CEP72: variants seen among roughly 807,000 people sequenced by gnomAD.
CEP72 encodes centrosomal protein 72, also known as centrosomal protein of 72 kDa.
In CEP72, 78 loss-of-function variants were observed where a neutral mutation model predicts 65.7. That is an observed-to-expected ratio of 1.19 (90% CI 0.99 to 1.43). CEP72 has a LOEUF of 1.43. Among genes scored for constraint, CEP72 ranks in the 40% most tolerant of loss-of-function variants. CEP72 has a pLI of 0.00. For synonymous variants in CEP72, 358 were observed against 351.7 expected (o/e 1.02, Z -0.20); for missense variants, 914 against 832.9 (o/e 1.10, Z -1.20).
At chr5:617,989 G>A (rs181955821) in intron 1 of CEP72, among the ~76,000 whole-genome samples, 165 of 152,320 alleles carry the variant, frequency 1.1e-3, no homozygotes, top group Admixed American at 2.5e-3. Context: ...TAATGTTGAT[G>A]TAGTGACTGC....
chr5:639,376 C>G, intron 8 of CEP72, 152 bp downstream of exon 8: 1 of 862,638 alleles, frequency 1.2e-6, no homozygotes, highest in Non-Finnish European at 1.7e-6. Flanking sequence ...TGGGCCCTCC[C>G]TGGCAGTCTT....
At chr5:652,025 A>C (rs1739139970) in intron 11 of CEP72, among the ~76,000 whole-genome samples, 1 of 152,136 alleles carries the variant, frequency 6.6e-6, no homozygotes, top group Non-Finnish European at 1.5e-5. Flanking sequence ...AAGGGTCCTG[A>C]AAGATGAGAC....
chr5:633,257 G>A (rs1213669458), intron 4 of CEP72, among the ~76,000 whole-genome samples: 2 of 102,878 alleles, frequency 1.9e-5, no homozygotes, highest in Non-Finnish European at 3.9e-5. Context: ...TCCTGGTGGG[G>A]TGCTGTCCAG....
Position 637,666 on chromosome 5 carries a change from G to A in CEP72, c.1054G>A (p.Gly352Ser), listed in dbSNP as rs1026300576. Residue 352 changes from glycine (G) to serine (S), a missense_variant, in exon 7 of 12, where the codon GGC (glycine) becomes AGC (serine). By Grantham distance (56) the Gly-to-Ser change is moderately conservative. Transcript: ENST00000264935. ...FQTFSDQEGL[G>S]CPERTHGSSV... ...GACGTTTTCGGACCAGGAGGGTTTG[G>A]GCTGCCCGGAGAGAACTCATGGGTC... is the stretch of plus-strand genomic sequence containing the variant. 1 of 1,613,968 alleles carries A rather than the reference G, an allele frequency of 6.2e-7. No individual in the cohort carries two copies. The highest frequency in any genetic ancestry group is 8.5e-7 in the Non-Finnish European group (1 of 1,180,042).
intron 8 of CEP72, among the ~76,000 whole-genome samples, chr5:639,537 A>T (rs1314918330): frequency 6.6e-6 from 1 of 152,160 alleles, no homozygotes; most frequent in East Asian, 1.9e-4. Flanking sequence ...CTGTGATCAC[A>T]TGGGGATTTG....
intron 1 of CEP72, chr5:662,662 G>A (rs1017285304): frequency 1.3e-5 from 2 of 152,626 alleles, no homozygotes; most frequent in African/African-American, 2.4e-5. Flanking sequence ...ACCAGGAGAC[G>A]CAGCCCAGGG....
chr5:614,255 A>G (rs919940172), intron 1 of CEP72, among the ~76,000 whole-genome samples: 3 of 151,776 alleles, frequency 2.0e-5, no homozygotes, highest in African/African-American at 7.3e-5. Context: ...ATACTTTTCT[A>G]AATCCTTGAG....
downstream of CEP72, among the ~76,000 whole-genome samples, chr5:659,617 G>T (rs1230317927): frequency 3.9e-5 from 6 of 152,166 alleles, no homozygotes; most frequent in Admixed American, 6.5e-5. Context: ...CCCACCCAGG[G>T]CTACACCAGT....
chr5:655,661 G>A (rs866401398), downstream of CEP72: 1 of 152,378 alleles, frequency 6.6e-6, no homozygotes, highest in African/African-American at 2.4e-5. The surrounding 1 kb of genome is among the most constrained non-coding windows in gnomAD (Gnocchi z 5.0). Context: ...TGGAACGTGT[G>A]GGGTAGACCT....
downstream of CEP72, among the ~76,000 whole-genome samples, chr5:668,891 T>C (rs541981165): frequency 8.2e-4 from 125 of 152,268 alleles, 2 homozygotes; most frequent in African/African-American, 2.7e-3. Flanking sequence ...GGGTGCCAAG[T>C]GGCCAGGCTT....
At chr5:654,437 CTGTGTGTGTGTGTGCTTCTGTGTG>C (rs1739313611), downstream of CEP72, among the ~76,000 whole-genome samples, 1 of 147,262 alleles carries the variant, frequency 6.8e-6, no homozygotes, top group Non-Finnish European at 1.5e-5. Context: ...TGTCTGCTAG[CTGTGTGTGTGTGTGCTTCTGTGTG>C]TGTGTGTGTG....
Position 624,026 on chromosome 5 carries a change from G to A in CEP72, c.404-445G>A, listed in dbSNP as rs1206688876. Among the ~76,000 whole-genome samples, 1 of 152,062 alleles carries A rather than the reference G, an allele frequency of 6.6e-6. No homozygotes were observed. Among genetic ancestry groups the A allele is most frequent in the African/African-American group, 2.4e-5 (1 of 41,416 alleles). ...GGAAGCTCCAGGAGTTCTTGGGTGGGAGCCTGGTGGCCCCAGGTACGCACG... is the reference window on the plus strand; with the variant it reads ...GGAAGCTCCAGGAGTTCTTGGGTGGAAGCCTGGTGGCCCCAGGTACGCACG... On this transcript the variant is annotated intron_variant, in intron 3 of 11. Transcript: ENST00000264935. The surrounding 1 kb of genome is among the most constrained non-coding windows in gnomAD (Gnocchi z 4.7).
At chr5:660,228 T>TATA (rs1554019937), downstream of CEP72, 1 of 148,034 alleles carries the variant, frequency 6.8e-6, no homozygotes, top group African/African-American at 2.5e-5. Context: ...TATATATATA[T>TATA]AAATTTGTTT....
chr5:654,825 G>A (rs571688031), downstream of CEP72, among the ~76,000 whole-genome samples: 48 of 115,566 alleles, frequency 4.2e-4, no homozygotes, highest in South Asian at 0.013. Context: ...GTCTGACCCC[G>A]TCTCTCACTT....
chr5:648,146 G>C (rs1561060450), intron 11 of CEP72, among the ~76,000 whole-genome samples: 1 of 152,264 alleles, frequency 6.6e-6, no homozygotes, highest in Non-Finnish European at 1.5e-5. Flanking sequence ...ATCATGAAGT[G>C]TGACCCATGA....
intron 4 of CEP72, among the ~76,000 whole-genome samples, chr5:627,819 A>G (rs144215469): frequency 4.5e-4 from 68 of 152,314 alleles, no homozygotes; most frequent in Middle Eastern, 3.4e-3. Context: ...ACATTTACTT[A>G]TATTAAAACT....
At chr5:638,944 C>G (rs1296051004) in intron 7 of CEP72, 145 bp from the exon 8 acceptor site, 1 of 1,019,570 alleles carries the variant, frequency 9.8e-7, no homozygotes, top group East Asian at 2.4e-5. Context: ...CTGAGCCGCC[C>G]TCCACCTGGC....
chr5:636,124 A>G (rs1317003709), intron 6 of CEP72, among the ~76,000 whole-genome samples: 1 of 152,234 alleles, frequency 6.6e-6, no homozygotes, highest in Non-Finnish European at 1.5e-5. Context: ...AGCAACATGA[A>G]ATCCCTGTCA....
chr5:666,797 G>A (rs1739935564), intron 4 of CEP72: 1 of 152,240 alleles, frequency 6.6e-6, no homozygotes, highest in Middle Eastern at 3.2e-3. Flanking sequence ...ATTTTAGAGG[G>A]TTCTAAACTG....
Sources: gnomAD v4.1 joint callset for allele counts (sites outside exome capture counted in the v4.1 genomes callset) on GRCh38, gnomAD v4.1.1 for gene constraint, Gnocchi (gnomAD v3.1) non-coding constraint, MANE v1.5 for transcripts, NCBI Gene and HGNC (gene_info 2026-07-23, HGNC 2026-07-21) for gene names.